The following WWTR1 variants were observed in gnomAD, a reference collection of about 807,000 sequenced individuals.
WWTR1 encodes the protein WW domain containing transcription regulator 1, also known as WW domain-containing transcription regulator protein 1.
In WWTR1, 13 loss-of-function variants were observed where a neutral mutation model predicts 40.1. The observed-to-expected ratio is 0.32, with a 90% CI of 0.21 to 0.52. The LOEUF (loss-of-function observed/expected upper bound fraction) is 0.52, where lower values mean the gene tolerates loss of function less well. WWTR1 is among the 20% of genes least tolerant of loss of function. The pLI is 0.97. For synonymous variants in WWTR1, 230 were observed against 210.1 expected (o/e 1.09, Z -0.82); for missense variants, 436 against 523.1 (o/e 0.83, Z 1.63).
intron 2 of WWTR1, among the ~76,000 whole-genome samples, chr3:149,626,510 TA>T (rs201199010): frequency 0.014 from 1,982 of 140,482 alleles, 32 homozygotes; most frequent in African/African-American, 0.037. Context: ...CTATAGTATG[TA>T]AAAAAAAAAA....
intron 2 of WWTR1, among the ~76,000 whole-genome samples, chr3:149,575,748 G>T (rs1232346185): frequency 6.6e-6 from 1 of 152,162 alleles, no homozygotes; most frequent in East Asian, 1.9e-4. Context: ...GCAAGAGCAG[G>T]AACATCTAGC....
At chr3:149,647,769 G>T (rs1275011312) in intron 2 of WWTR1, among the ~76,000 whole-genome samples, 2 of 152,150 alleles carry the variant, frequency 1.3e-5, no homozygotes, top group Non-Finnish European at 1.5e-5. Flanking sequence ...TAAACAACCA[G>T]GAAGATCTCA....
intron 2 of WWTR1, among the ~76,000 whole-genome samples, chr3:149,594,067 C>A (rs1303094733): frequency 6.6e-6 from 1 of 152,158 alleles, no homozygotes; most frequent in African/African-American, 2.4e-5. Flanking sequence ...TGTGCAAATT[C>A]ATCAAGCCGT....
At chr3:149,630,499 A>C (rs1488963503) in intron 2 of WWTR1, among the ~76,000 whole-genome samples, 1 of 152,198 alleles carries the variant, frequency 6.6e-6, no homozygotes, top group Non-Finnish European at 1.5e-5. Context: ...GGGACAGATA[A>C]TCAGAATTTC....
At chr3:149,647,603 GGGTAGCCT>G (rs1712609295) in intron 2 of WWTR1, among the ~76,000 whole-genome samples, 1 of 152,202 alleles carries the variant, frequency 6.6e-6, no homozygotes, top group Non-Finnish European at 1.5e-5. Flanking sequence ...CCCAAGTCAA[GGGTAGCCT>G]GGTATCCCAC....
At chr3:149,587,737 CAT>C (rs754978053) in intron 2 of WWTR1, among the ~76,000 whole-genome samples, 6 of 152,172 alleles carry the variant, frequency 3.9e-5, no homozygotes, top group Non-Finnish European at 8.8e-5. Flanking sequence ...CTTGTACAGA[CAT>C]AGATTTTGAA....
At chr3:149,521,026 C>A (rs1381667559) in intron 6 of WWTR1, 37 bp from the exon 7 acceptor site, 2 of 1,536,566 alleles carry the variant, frequency 1.3e-6, no homozygotes. Flanking sequence ...TTAATTCCTT[C>A]TTTTAGGCTC....
At chr3:149,703,703 C>T (rs747126302), upstream of WWTR1, among the ~76,000 whole-genome samples, 10 of 151,976 alleles carry the variant, frequency 6.6e-5, no homozygotes, top group East Asian at 1.9e-4. Flanking sequence ...GTGCTGTCCT[C>T]GACATAATGA....
chr3:149,542,478 G>A lies in WWTR1; in HGVS notation c.628C>T (p.Pro210Ser). Reference sequence around the variant, plus strand: ...AGCCCTGCGGGTGGGTTCTGAGTGGGGTGGTTCTGCTGGCTCAGGGTACTG... The same window carrying A: ...AGCCCTGCGGGTGGGTTCTGAGTGGAGTGGTTCTGCTGGCTCAGGGTACTG... ...APSTLSQQNHPTQNPPAGLMS... is the reference protein window; with the variant it reads ...APSTLSQQNHSTQNPPAGLMS... Residue 210 changes from proline (P) to serine (S), a missense_variant, in exon 4 of 7, where the codon CCC (proline) becomes TCC (serine). Pro to Ser is a moderately conservative substitution (Grantham distance 74). Coordinates refer to ENST00000360632, the MANE Select transcript of WWTR1 (RefSeq NM_015472.6). The A allele has an allele frequency of 1.2e-6, 2 of 1,614,030 alleles. No homozygotes were observed. Among genetic ancestry groups the A allele is most frequent in the South Asian group, 2.2e-5 (2 of 91,040 alleles).
chr3:149,723,376 C>T (rs1342841494), intron 4 of WWTR1, among the ~76,000 whole-genome samples: 2 of 151,692 alleles, frequency 1.3e-5, no homozygotes, highest in African/African-American at 2.4e-5. Context: ...TTAGTAGAGA[C>T]GGGGTTTCTC....
At chr3:149,594,722 C>CA (rs1738895034) in intron 2 of WWTR1, among the ~76,000 whole-genome samples, 1 of 149,368 alleles carries the variant, frequency 6.7e-6, no homozygotes, top group African/African-American at 2.5e-5. Context: ...GACACACACA[C>CA]AAACACACAC....
chr3:149,716,857 A>C (rs1459962711), intron 5 of WWTR1, among the ~76,000 whole-genome samples: 2 of 152,142 alleles, frequency 1.3e-5, no homozygotes, highest in Admixed American at 1.3e-4. Context: ...CATAAGAAAA[A>C]AAATGTGGGC....
At chr3:149,639,229 G>A (rs1280378219) in intron 2 of WWTR1, among the ~76,000 whole-genome samples, 1 of 151,994 alleles carries the variant, frequency 6.6e-6, no homozygotes, top group South Asian at 2.1e-4. Context: ...TATATACAGG[G>A]TCTCTTTCTG....
chr3:149,654,128 TA>T (rs11394888), intron 2 of WWTR1, among the ~76,000 whole-genome samples: 50 of 148,726 alleles, frequency 3.4e-4, no homozygotes, highest in African/African-American at 5.9e-4. Flanking sequence ...ATAAAAAAAT[TA>T]AAAAAAAAAA....
intron 3 of WWTR1, among the ~76,000 whole-genome samples, chr3:149,569,447 A>G (rs12632407): frequency 0.18 from 27,351 of 152,158 alleles, 3,578 homozygotes; most frequent in East Asian, 0.72. Context: ...TGATGAAATC[A>G]AAGCACAGAC....
At position 149,630,967 on chromosome 3, in the gene WWTR1, T is replaced by C. The variant is rs114110094; in HGVS notation, c.431+25909A>G. 7.7e-3 allele frequency among the ~76,000 whole-genome samples: 1,166 copies of C among 152,312 alleles called. 17 individuals are homozygous for C. Among genetic ancestry groups the C allele is most frequent in the African/African-American group, 0.026 (1,087 of 41,568 alleles). ...CAGGCTTAATGGACAAAAGGGGATGTCAGCCTCCCAGAAACAAATATTCTT... is the reference window on the plus strand; with the variant it reads ...CAGGCTTAATGGACAAAAGGGGATGCCAGCCTCCCAGAAACAAATATTCTT... On this transcript the variant is annotated intron_variant, in intron 2 of 6. Coordinates refer to ENST00000360632, the MANE Select transcript of WWTR1 (RefSeq NM_015472.6).
At position 149,675,947 on chromosome 3, in the gene WWTR1, G is replaced by C. The variant is rs113019521; in HGVS notation, c.-107-6056C>G. On this transcript the variant is annotated intron_variant, in intron 1 of 7. Coordinates refer to the WWTR1 transcript ENST00000465804. ...GTCTCGATCTCCTGACCTCGTGATC[G>C]GCCCGTCTCAGCTTCCCAAAGTGCT... Among the ~76,000 whole-genome samples the C allele has an allele frequency of 5.7e-3, 874 of 152,052 alleles. 9 individuals are homozygous for C. Among genetic ancestry groups the C allele is most frequent in the African/African-American group, 0.019 (801 of 41,470 alleles).
chr3:149,715,217 G>C (rs925054304), intron 5 of WWTR1, among the ~76,000 whole-genome samples: 1 of 152,230 alleles, frequency 6.6e-6, no homozygotes, highest in African/African-American at 2.4e-5. Context: ...CATGTTGTGG[G>C]TGAAGAGGAG....
intron 2 of WWTR1, among the ~76,000 whole-genome samples, chr3:149,613,150 A>G (rs773310281): frequency 6.6e-6 from 1 of 152,166 alleles, no homozygotes; most frequent in Non-Finnish European, 1.5e-5. Context: ...TCCAGCATCC[A>G]CCATCTCCTA....
Sources: gnomAD v4.1 joint callset for allele counts (sites outside exome capture counted in the v4.1 genomes callset) on GRCh38, gnomAD v4.1.1 for gene constraint, MANE v1.5 for transcripts, NCBI Gene and HGNC (gene_info 2026-07-23, HGNC 2026-07-21) for gene names.